Variants in PHLDB2 observed in about 807,000 individuals in gnomAD.
PHLDB2 encodes pleckstrin homology-like domain family B member 2.
Under a neutral mutation model 123.6 loss-of-function variants are expected in PHLDB2, and 71 were observed. The ratio of observed to expected loss-of-function variants is 0.57; its 90% CI spans 0.47 to 0.70. PHLDB2 has a LOEUF of 0.70. PHLDB2 is among the 30% of genes least tolerant of loss of function. PHLDB2 has a pLI of 0.00. For missense variants in PHLDB2, 1,446 were observed against 1,519.5 expected (o/e 0.95, Z 0.80); for synonymous variants, 547 against 541.6 (o/e 1.01, Z -0.14).
chr3:111,882,213 C>T (rs2065966187), intron 1 of PHLDB2, among the ~76,000 whole-genome samples: 4 of 151,988 alleles, frequency 2.6e-5, no homozygotes, highest in Admixed American at 1.3e-4. Context: ...ACTGAAATGT[C>T]CTCAGGATCC....
At chr3:111,834,215 G>C (rs559187501) in intron 1 of PHLDB2, among the ~76,000 whole-genome samples, 1 of 14,694 alleles carries the variant, frequency 6.8e-5, no homozygotes, top group African/African-American at 2.5e-4. Context: ...ATATGTAATA[G>C]AATTATATAT....
Position 111,904,276 on chromosome 3 carries a change from T to TTAAAAAAAAA in PHLDB2, c.1336-9043_1336-9042insTAAAAAAAAA. ...CTGGGTGACAGAGTGAGACCCTGTC[T>TTAAAAAAAAA]CAAAAAAAAAAAAGGCCAAGGGTTC... is the stretch of plus-strand genomic sequence containing the variant. On this transcript the variant is annotated intron_variant, in intron 2 of 17. Coordinates refer to ENST00000431670, the MANE Select transcript of PHLDB2 (RefSeq NM_001134438.2). Among the ~76,000 whole-genome samples the TTAAAAAAAAA allele has an allele frequency of 1.8e-4, 2 of 11,040 alleles. 1 individual carries two copies. Among genetic ancestry groups the TTAAAAAAAAA allele is most frequent in the African/African-American group, 3.3e-4 (2 of 5,994 alleles). 7.2% of individuals were successfully genotyped at this position (11,040 alleles called of 152,430 possible).
chr3:111,960,102 T>C (rs886337278), intron 12 of PHLDB2: 4 of 709,012 alleles, frequency 5.6e-6, no homozygotes, highest in Non-Finnish European at 6.9e-6. Context: ...TTCTGTTGTT[T>C]TTTTGTCATT....
chr3:111,953,971 G>A lies in PHLDB2; in HGVS notation c.2814G>A (p.Val938=). The A allele has an allele frequency of 6.2e-7, 1 of 1,613,652 alleles. No homozygotes were observed. Among genetic ancestry groups the A allele is most frequent in the East Asian group, 2.2e-5 (1 of 44,850 alleles). ...PLGQSNSCGS[V]LPPSLAAMAK... ...GACAGAGTAACAGCTGTGGAAGTGTGCTCCCTCCCTCACTGGCAGCCATGG... is the reference window on the plus strand; with the variant it reads ...GACAGAGTAACAGCTGTGGAAGTGTACTCCCTCCCTCACTGGCAGCCATGG... The change falls in exon 12 of 18, where the codon GTG becomes GTA. Residue 938 remains valine, a synonymous_variant. Transcript: ENST00000431670.
chr3:111,915,223 G>T (rs1031529217), intron 3 of PHLDB2: 1 of 152,134 alleles, frequency 6.6e-6, no homozygotes, highest in Admixed American at 6.5e-5. Flanking sequence ...TCTTTAAGAG[G>T]AAGATATTGT....
At chr3:111,963,349 G>C (rs564255244) in intron 13 of PHLDB2, among the ~76,000 whole-genome samples, 1 of 152,112 alleles carries the variant, frequency 6.6e-6, no homozygotes. Flanking sequence ...ACAAAGTCAG[G>C]GCTTAGTAAG....
chr3:111,884,296 T>C lies in PHLDB2; in HGVS notation c.219T>C (p.Ser73=). The change falls in exon 2 of 18, where the codon TCT becomes TCC. Residue 73 remains serine (S), a synonymous_variant. Coordinates refer to ENST00000431670, the MANE Select transcript of PHLDB2 (RefSeq NM_001134438.2). The part of the protein sequence containing the change: ...SQPVPAKRSP[S]PLGTSVRSSP... ...CTGTGCCTGCAAAGAGAAGCCCTTC[T>C]CCTTTGGGAACCAGTGTCAGAAGCA... 6.2e-7 allele frequency: 1 copy of C among 1,614,170 alleles called. No homozygotes were observed.
At chr3:111,894,447 A>C (rs1259895131) in intron 2 of PHLDB2, among the ~76,000 whole-genome samples, 1 of 151,834 alleles carries the variant, frequency 6.6e-6, no homozygotes, top group East Asian at 1.9e-4. Context: ...GGCTGGGTCA[A>C]ATGGTATTTC....
chr3:111,913,029 G>A (rs1354851726), intron 2 of PHLDB2, among the ~76,000 whole-genome samples: 1 of 152,150 alleles, frequency 6.6e-6, no homozygotes, highest in Non-Finnish European at 1.5e-5. Flanking sequence ...TTATGAAAAG[G>A]CTTACTGAGT....
chr3:111,969,657 G>C (rs2072040325), intron 15 of PHLDB2, 33 bp from the exon 16 acceptor site: 6 of 1,550,062 alleles, frequency 3.9e-6, no homozygotes, highest in Non-Finnish European at 5.3e-6. Flanking sequence ...CAAATAATTA[G>C]CTATAGATGC....
chr3:111,971,520 A>G (rs566397165), intron 16 of PHLDB2, among the ~76,000 whole-genome samples: 1 of 152,198 alleles, frequency 6.6e-6, no homozygotes, highest in South Asian at 2.1e-4. Flanking sequence ...CAAAAATTAC[A>G]TTTCATTTGC....
At chr3:111,882,558 AT>A (rs1258384085) in intron 1 of PHLDB2, among the ~76,000 whole-genome samples, 1 of 152,128 alleles carries the variant, frequency 6.6e-6, no homozygotes, top group Non-Finnish European at 1.5e-5. Context: ...AAGAAACTTC[AT>A]TTTTTTCTTG....
Position 111,948,977 on chromosome 3 carries a change from A to G in PHLDB2, c.2533A>G (p.Thr845Ala), listed in dbSNP as rs1455581554. 6.2e-7 allele frequency: 1 copy of G among 1,613,992 alleles called. No individual in the cohort carries two copies. Among genetic ancestry groups the G allele is most frequent in the Admixed American group, 1.7e-5 (1 of 60,016 alleles). Residue 845 changes from threonine to alanine, a missense_variant, in exon 10 of 18, where the codon ACG (threonine) becomes GCG (alanine). Coordinates refer to ENST00000431670, the MANE Select transcript of PHLDB2 (RefSeq NM_001134438.2). ...NEINEPCGNSTNLSPSTQFPA... is the reference protein window; with the variant it reads ...NEINEPCGNSANLSPSTQFPA... ...GATTAATGAGCCGTGTGGCAATTCC[A>G]CGAATCTATCCCCTTCCACTCAGTT...
intron 1 of PHLDB2, among the ~76,000 whole-genome samples, chr3:111,749,033 C>T (rs2059727093): frequency 6.6e-6 from 1 of 150,392 alleles, no homozygotes; most frequent in East Asian, 1.9e-4. Flanking sequence ...TCTACTGGGA[C>T]ATAAGTTTCA....
At chr3:111,758,122 C>T (rs977838896) in intron 1 of PHLDB2, among the ~76,000 whole-genome samples, 1 of 152,224 alleles carries the variant, frequency 6.6e-6, no homozygotes, top group African/African-American at 2.4e-5. Flanking sequence ...AGAACCACTG[C>T]TCTCTTCAAA....
intron 7 of PHLDB2, 113 bp downstream of exon 7, chr3:111,939,743 T>C: frequency 9.4e-7 from 1 of 1,068,846 alleles, no homozygotes; most frequent in Non-Finnish European, 1.3e-6. Context: ...TAGTCTGCCA[T>C]GTATGTGGCA....
intron 13 of PHLDB2, among the ~76,000 whole-genome samples, chr3:111,964,943 T>C (rs1357645225): frequency 6.6e-6 from 1 of 152,144 alleles, no homozygotes; most frequent in East Asian, 1.9e-4. Flanking sequence ...ATGAGAGATA[T>C]AAAACATACA....
intron 1 of PHLDB2, among the ~76,000 whole-genome samples, chr3:111,794,583 G>A (rs2061072777): frequency 6.6e-6 from 1 of 152,150 alleles, no homozygotes; most frequent in South Asian, 2.1e-4. Flanking sequence ...GCTTCCTGAA[G>A]ATTATTTGTA....
chr3:111,846,573 T>C (rs112046778), intron 2 of PHLDB2: 17 of 152,460 alleles, frequency 1.1e-4, no homozygotes, highest in Admixed American at 2.6e-4. Flanking sequence ...TGACCAGCTC[T>C]GTACTGCAAA....
Sources: allele counts gnomAD v4.1 joint callset (sites outside exome capture counted in the v4.1 genomes callset), GRCh38; gene constraint gnomAD v4.1.1; transcripts MANE v1.5; gene names NCBI Gene and HGNC (gene_info 2026-07-23, HGNC 2026-07-21).